The following RTN3 variants were observed in gnomAD, a reference collection of about 807,000 sequenced individuals.
RTN3 encodes the protein reticulon-3.
Under a neutral mutation model 77.8 loss-of-function variants are expected in RTN3, and 49 were observed. The observed-to-expected ratio is 0.63, with a 90% CI of 0.50 to 0.80. The LOEUF (loss-of-function observed/expected upper bound fraction) is 0.80, where lower values mean the gene tolerates loss of function less well. Among genes scored for constraint, RTN3 ranks in the 30% least tolerant of loss-of-function variants. The pLI is 0.00. For missense variants in RTN3, 1,236 were observed against 1,211.9 expected, an observed-to-expected ratio of 1.02 and a Z score of -0.29; for synonymous variants, 464 against 446.9, an observed-to-expected ratio of 1.04 and a Z score of -0.48.
rs1435802806 is a variant in RTN3 at position 63,720,162 on chromosome 11, A to C, written c.1660A>C (p.Asn554His). The C allele has an allele frequency of 6.2e-7, 1 of 1,614,000 alleles. No homozygotes were observed. Among genetic ancestry groups the C allele is most frequent in the East Asian group, 2.2e-5 (1 of 44,882 alleles). The change falls in exon 3 of 9, where the codon AAC becomes CAC. Residue 554 changes from asparagine (N) to histidine (H), a missense_variant. By Grantham distance (68) the Asn-to-His change is moderately conservative (BLOSUM62 1). Around this residue, in one of 3 missense-constraint regions of RTN3, gnomAD observed 1,056 missense variants for 990.4 expected, o/e 1.07. Coordinates refer to ENST00000377819, the MANE Select transcript of RTN3 (RefSeq NM_001265589.2). ...SCEREEKTSKNFEELVSDSEL... is the reference protein window; with the variant it reads ...SCEREEKTSKHFEELVSDSEL... Reference sequence around the variant, plus strand: ...TGAGAGAGAAGAAAAAACATCTAAAAACTTTGAAGAATTGGTCAGTGACTC... The same window carrying C: ...TGAGAGAGAAGAAAAAACATCTAAACACTTTGAAGAATTGGTCAGTGACTC...
At chr11:63,721,072 GTGAT>G in intron 3 of RTN3, 40 bp downstream of exon 3, 3 of 1,504,730 alleles carry the variant, frequency 2.0e-6, no homozygotes, top group Non-Finnish European at 2.7e-6. Flanking sequence ...GGTTAATTCT[GTGAT>G]TGATTACTTA....
Position 63,718,945 on chromosome 11 carries a change from C to A in RTN3, c.443C>A (p.Ala148Glu). Residue 148 changes from alanine (A) to glutamate (E), a missense_variant, in exon 3 of 9, where the codon GCA becomes GAA. Transcript: ENST00000377819. The stretch of plus-strand genomic sequence containing the variant: ...GTATCAGACTCTTCAGTTTCTCTTG[C>A]AGCAGGAGTTCATTGTGACCGTCCT... ...NNVSDSSVSL[A>E]AGVHCDRPSI... is the part of the protein sequence containing the mutation. 1 of 1,614,186 alleles carries A rather than the reference C, an allele frequency of 6.2e-7. No homozygotes were observed. Among genetic ancestry groups the A allele is most frequent in the Non-Finnish European group, 8.5e-7 (1 of 1,180,032 alleles).
rs1475226570 is a variant in RTN3 at position 63,719,485 on chromosome 11, G to A, written c.983G>A (p.Cys328Tyr). Reference sequence around the variant, plus strand: ...GCAGCACTGGAAGAGGTGTCCAGATGCGTGAATGATATGCATAACTTTACT... The same window carrying A: ...GCAGCACTGGAAGAGGTGTCCAGATACGTGAATGATATGCATAACTTTACT... ...TNAALEEVSR[C>Y]VNDMHNFTNE... The change falls in exon 3 of 9, where the codon TGC becomes TAC. Residue 328 changes from cysteine (C) to tyrosine (Y), a missense_variant. Cys to Tyr is a radical substitution (Grantham distance 194). Coordinates refer to ENST00000377819, the MANE Select transcript of RTN3 (RefSeq NM_001265589.2). 5.0e-6 allele frequency: 8 copies of A among 1,614,184 alleles called. No individual in the cohort carries two copies. The highest frequency in any genetic ancestry group is 6.8e-6 in the Non-Finnish European group (8 of 1,180,040).
intron 3 of RTN3, among the ~76,000 whole-genome samples, chr11:63,738,922 TACC>T (rs1246551606): frequency 6.6e-6 from 1 of 152,198 alleles, no homozygotes; most frequent in East Asian, 1.9e-4. Context: ...AGCCTGAGAT[TACC>T]ATTGGATGTG....
At chr11:63,697,469 C>CATTATTATTATTATTATT (rs71039664) in intron 1 of RTN3, among the ~76,000 whole-genome samples, 11 of 146,906 alleles carry the variant, frequency 7.5e-5, no homozygotes, top group Non-Finnish European at 1.3e-4. Flanking sequence ...ACACCCAGCT[C>CATTATTATTATTATTATT]ATTATTATTA....
chr11:63,688,413 A>T (rs942087491), intron 1 of RTN3, among the ~76,000 whole-genome samples: 1 of 152,048 alleles, frequency 6.6e-6, no homozygotes, highest in African/African-American at 2.4e-5. Flanking sequence ...TAGTAGAGAC[A>T]GGGTTTCACC....
chr11:63,685,465 C>T (rs1941316877), intron 1 of RTN3, among the ~76,000 whole-genome samples: 1 of 135,388 alleles, frequency 7.4e-6, no homozygotes, highest in African/African-American at 2.9e-5. Context: ...CATGGCACTC[C>T]AGCCTAGGCG....
intron 3 of RTN3, among the ~76,000 whole-genome samples, chr11:63,739,170 T>C (rs2013320483): frequency 6.6e-6 from 1 of 152,216 alleles, no homozygotes; most frequent in African/African-American, 2.4e-5. Flanking sequence ...ATGTTTCATC[T>C]GTCATTAGCA....
chr11:63,721,056 G>C (rs1477735788), intron 3 of RTN3, 24 bp downstream of exon 3: 1 of 1,544,612 alleles, frequency 6.5e-7, no homozygotes, highest in Non-Finnish European at 8.7e-7. Context: ...TTAGAATACT[G>C]CATGTGGTTA....
chr11:63,693,136 A>G (rs1252235584), intron 1 of RTN3, among the ~76,000 whole-genome samples: 1 of 152,200 alleles, frequency 6.6e-6, no homozygotes, highest in African/African-American at 2.4e-5. Context: ...TGTTCAATAA[A>G]TATTTATGGG....
At chr11:63,692,951 A>C (rs796635171) in intron 1 of RTN3, among the ~76,000 whole-genome samples, 35 of 152,106 alleles carry the variant, frequency 2.3e-4, no homozygotes, top group African/African-American at 8.2e-4. Context: ...GAAAGAAAAA[A>C]AGAGAGATGG....
In RTN3 at chr11:63,742,082, C is replaced by T. The variant is rs489580; in HGVS notation, c.2531-7909C>T. Among the ~76,000 whole-genome samples, 992 of 150,412 alleles carry T rather than the reference C, an allele frequency of 6.6e-3. 11 individuals carry two copies. Among genetic ancestry groups the T allele is most frequent in the African/African-American group, 0.023 (938 of 40,970 alleles). ...GCAAGCTCCACCTCCTGGGTTCACG[C>T]CATTCTCCTGCCTCAGCCTCCCAAG... On this transcript the variant is annotated intron_variant, in intron 3 of 8. Coordinates refer to ENST00000377819, the MANE Select transcript of RTN3 (RefSeq NM_001265589.2).
At position 63,719,818 on chromosome 11, in the gene RTN3, A is replaced by T. The variant is rs1565321606; in HGVS notation, c.1316A>T (p.Asn439Ile). 6.2e-7 allele frequency: 1 copy of T among 1,614,194 alleles called. No homozygotes were observed. The highest frequency in any genetic ancestry group is 1.1e-5 in the South Asian group (1 of 91,078). ...TTCAGTATCAAAGGTGTGCAAGGCAATATGCAGAAACAGGATGACACACTT... is the reference window on the plus strand; with the variant it reads ...TTCAGTATCAAAGGTGTGCAAGGCATTATGCAGAAACAGGATGACACACTT... ...KEFSIKGVQG[N>I]MQKQDDTLAE... The change falls in exon 3 of 9, where the codon AAT becomes ATT. Residue 439 changes from asparagine (N) to isoleucine (I), a missense_variant. Around this residue, in one of 3 missense-constraint regions of RTN3, gnomAD observed 1,056 missense variants for 990.4 expected, o/e 1.07. Coordinates refer to ENST00000377819, the MANE Select transcript of RTN3 (RefSeq NM_001265589.2).
intron 4 of RTN3, chr11:63,750,409 A>C: frequency 1.8e-6 from 1 of 549,022 alleles, no homozygotes; most frequent in South Asian, 2.4e-5. Flanking sequence ...TTAGAGGCTC[A>C]TACTTGAAGT....
intron 3 of RTN3, among the ~76,000 whole-genome samples, chr11:63,732,681 A>G (rs942165906): frequency 6.6e-6 from 1 of 152,214 alleles, no homozygotes; most frequent in Non-Finnish European, 1.5e-5. Flanking sequence ...TATATTAAAG[A>G]AATTAAATTC....
chr11:63,687,325 A>G (rs1941425437), intron 1 of RTN3, among the ~76,000 whole-genome samples: 1 of 152,172 alleles, frequency 6.6e-6, no homozygotes, highest in South Asian at 2.1e-4. Flanking sequence ...ATGAAAATTA[A>G]ACACAATTTG....
intron 3 of RTN3, among the ~76,000 whole-genome samples, chr11:63,729,605 A>C (rs891427229): frequency 6.6e-6 from 1 of 151,366 alleles, no homozygotes; most frequent in Non-Finnish European, 1.5e-5. Context: ...CCACAGGTGC[A>C]TGCCACCACA....
Position 63,759,808 on chromosome 11 carries a change from G to A in RTN3, c.*1607G>A, listed in dbSNP as rs1478305414. On this transcript the variant is annotated 3_prime_UTR_variant, in exon 9 of 9. Transcript: ENST00000377819. ...TCTGTGCGTGCAACATAAAAATACAGTAGCACCTAAGGAGCTTGAATCTTG... is the reference window on the plus strand; with the variant it reads ...TCTGTGCGTGCAACATAAAAATACAATAGCACCTAAGGAGCTTGAATCTTG... The A allele has an allele frequency of 4.7e-5, 7 of 150,434 alleles. No individual in the cohort carries two copies. The highest frequency in any genetic ancestry group is 1.3e-4 in the Admixed American group (2 of 15,064). 9.3% of individuals were successfully genotyped at this position (150,434 alleles called of 1,614,324 possible).
chr11:63,720,418 A>G lies in RTN3; in HGVS notation c.1916A>G (p.His639Arg), dbSNP rs1180225280. Residue 639 changes from histidine (H) to arginine (R), a missense_variant, in exon 3 of 9, where the codon CAT (histidine) becomes CGT (arginine). His to Arg is a conservative substitution (Grantham distance 29, BLOSUM62 0). Coordinates refer to ENST00000377819, the MANE Select transcript of RTN3 (RefSeq NM_001265589.2). ...ACATCTGCCTATTTGGAGTCATTAC[A>G]TGGGAAAAATGTTAAACATATAGAT... ...VTTSAYLESL[H>R]GKNVKHIDDS... 5 of 1,613,872 alleles carry G rather than the reference A, an allele frequency of 3.1e-6. No homozygotes were observed. In the South Asian group the frequency reaches 3.3e-5, roughly 11 times the overall value.
Sources: gnomAD v4.1 joint callset for allele counts (sites outside exome capture counted in the v4.1 genomes callset) on GRCh38, gnomAD v4.1.1 for gene constraint, gnomAD v4.1.1 regional missense constraint, MANE v1.5 for transcripts, NCBI Gene and HGNC (gene_info 2026-07-23, HGNC 2026-07-21) for gene names.